The following ATXN1 variants were observed in gnomAD, a reference collection of about 807,000 sequenced individuals.
ATXN1 encodes ataxin 1.
A neutral mutation model predicts 56.4 loss-of-function variants in ATXN1; 8 were observed. That is an observed-to-expected ratio of 0.14 (90% confidence interval 0.08 to 0.26). The LOEUF (loss-of-function observed/expected upper bound fraction) is 0.26, where lower values mean the gene tolerates loss of function less well. Ranked by LOEUF, ATXN1 falls within the 10% of genes least tolerant of loss-of-function variation. The pLI is 1.00. For missense variants in ATXN1, 987 were observed against 1,106.5 expected, an observed-to-expected ratio of 0.89 and a Z score of 1.53; for synonymous variants, 514 against 494.6, an observed-to-expected ratio of 1.04 and a Z score of -0.52.
At chr6:16,546,519 AAC>A (rs1228596985) in intron 4 of ATXN1, among the ~76,000 whole-genome samples, 1 of 152,200 alleles carries the variant, frequency 6.6e-6, no homozygotes, top group African/African-American at 2.4e-5. Context: ...CCATAAAATT[AAC>A]ACAGAAAATG....
At chr6:16,519,685 C>T (rs781002194) in intron 5 of ATXN1, among the ~76,000 whole-genome samples, 24 of 152,162 alleles carry the variant, frequency 1.6e-4, no homozygotes, top group Non-Finnish European at 2.8e-4. Context: ...CTGACAGAGC[C>T]GCTGTGCCAC....
chr6:16,644,388 G>A (rs373809346), intron 3 of ATXN1, among the ~76,000 whole-genome samples: 8 of 151,968 alleles, frequency 5.3e-5, no homozygotes, highest in South Asian at 4.2e-4. Flanking sequence ...GGCGGCATGC[G>A]CCTGTAGTCC....
chr6:16,475,727 GAA>G (rs1006452182), intron 6 of ATXN1, among the ~76,000 whole-genome samples: 10 of 152,118 alleles, frequency 6.6e-5, no homozygotes, highest in Admixed American at 6.6e-4. Context: ...GGAAGATAAG[GAA>G]ATAGAGGCAC....
chr6:16,734,455 A>C (rs957001060), intron 2 of ATXN1, among the ~76,000 whole-genome samples: 7 of 152,224 alleles, frequency 4.6e-5, no homozygotes, highest in Non-Finnish European at 1.0e-4. Flanking sequence ...GAAAAAGGAG[A>C]GAAAACAAAC....
Position 16,698,150 on chromosome 6 carries a change from C to G in ATXN1, c.-614-40249G>C, listed in dbSNP as rs148736258. 1.4e-4 allele frequency among the ~76,000 whole-genome samples: 21 copies of G among 152,328 alleles called. No individual in the cohort carries two copies. The East Asian group carries it at 4.1e-3, about 29-fold the overall frequency. ...TGCCACTACTCTGTGGTTAACTTTT[C>G]ACCTGTATTGTGAATTAACTACACT... On this transcript the variant is annotated intron_variant, in intron 2 of 7. Transcript: ENST00000436367.
rs1403734399 is a variant in ATXN1 at position 16,721,425 on chromosome 6, G to A, written c.-615+31808C>T. Reference sequence around the variant, plus strand: ...AGGACTGCTTGAGGCCAGGGAGTTCGAGACCAGCCTGGGCAACATAGTGAG... The same window carrying A: ...AGGACTGCTTGAGGCCAGGGAGTTCAAGACCAGCCTGGGCAACATAGTGAG... On this transcript the variant is annotated intron_variant, in intron 2 of 7. Coordinates refer to ENST00000436367, the MANE Select transcript of ATXN1 (RefSeq NM_001128164.2). Among the ~76,000 whole-genome samples the A allele has an allele frequency of 5.3e-5, 8 of 152,086 alleles. No individual in the cohort carries two copies. The South Asian group carries it at 1.2e-3, about 24-fold the overall frequency.
intron 3 of ATXN1, among the ~76,000 whole-genome samples, chr6:16,648,328 T>C (rs1763837005): frequency 6.6e-6 from 1 of 152,144 alleles, no homozygotes; most frequent in Admixed American, 6.5e-5. Context: ...GCACCTACTA[T>C]ATTGAGAGGC....
chr6:16,596,542 T>G (rs1762818679), intron 3 of ATXN1, among the ~76,000 whole-genome samples: 1 of 152,216 alleles, frequency 6.6e-6, no homozygotes, highest in Non-Finnish European at 1.5e-5. Context: ...TAAAAATGAC[T>G]TTGGATTCCT....
At chr6:16,727,252 T>C (rs1024221557) in intron 2 of ATXN1, among the ~76,000 whole-genome samples, 12 of 152,086 alleles carry the variant, frequency 7.9e-5, no homozygotes, top group African/African-American at 9.7e-5. Flanking sequence ...ACAAAGCAAA[T>C]AGATGTATTA....
intron 6 of ATXN1, among the ~76,000 whole-genome samples, chr6:16,477,535 A>G (rs546267100): frequency 1.3e-5 from 2 of 152,272 alleles, no homozygotes; most frequent in South Asian, 2.1e-4. Flanking sequence ...GTTACACTGG[A>G]TGGCTTTCAG....
chr6:16,648,215 C>T (rs78108220), intron 3 of ATXN1, among the ~76,000 whole-genome samples: 3,639 of 152,342 alleles, frequency 0.024, 67 homozygotes, highest in South Asian at 0.071. Context: ...ACAGACACTT[C>T]CTTTCCTGCT....
intron 6 of ATXN1, among the ~76,000 whole-genome samples, chr6:16,434,943 G>T (rs971463100): frequency 6.6e-6 from 1 of 152,238 alleles, no homozygotes; most frequent in East Asian, 1.9e-4. Flanking sequence ...CTCCTAGAAA[G>T]AAGGTAGGTT....
At chr6:16,739,886 A>T (rs1272529749) in intron 2 of ATXN1, 2 of 457,110 alleles carry the variant, frequency 4.4e-6, no homozygotes, top group South Asian at 3.1e-5. Flanking sequence ...TGGGGCAAGA[A>T]GAGATGTCCA....
chr6:16,594,194 T>A (rs1762774722), intron 3 of ATXN1, among the ~76,000 whole-genome samples: 1 of 150,012 alleles, frequency 6.7e-6, no homozygotes, highest in Non-Finnish European at 1.5e-5. Context: ...CCTTTAAAAT[T>A]TTTTCAGCTT....
chr6:16,538,733 T>C (rs1447979639), intron 4 of ATXN1, among the ~76,000 whole-genome samples: 3 of 152,170 alleles, frequency 2.0e-5, no homozygotes, highest in Non-Finnish European at 4.4e-5. Context: ...TCACCCAGGA[T>C]GGAGTGCAAT....
rs190146606 is a variant in ATXN1, at chr6:16,748,130, T to C, written c.-615+5103A>G. ...ACGGATAAGCAAATTGCCACTGTCA[T>C]CATTTTCTTCAATTAATAATTATTG... On this transcript the variant is annotated intron_variant, in intron 2 of 7. Transcript: ENST00000436367. Among the ~76,000 whole-genome samples, 14 of 152,332 alleles carry C rather than the reference T, an allele frequency of 9.2e-5. No individual in the cohort carries two copies. In the East Asian group the frequency reaches 2.5e-3, roughly 27 times the overall value.
Position 16,508,865 on chromosome 6 carries a change from C to G in ATXN1, c.-299+13762G>C, listed in dbSNP as rs1280315058. On this transcript the variant is annotated intron_variant, in intron 5 of 7. Coordinates refer to ENST00000436367, the MANE Select transcript of ATXN1 (RefSeq NM_001128164.2). ...CAGTAACCAAAAGGTGGAAACAACC[C>G]AAGTGTTTATGGACAGATGAATGAA... Among the ~76,000 whole-genome samples the G allele has an allele frequency of 2.0e-5, 3 of 152,016 alleles. No individual in the cohort carries two copies. The East Asian group carries it at 5.8e-4, about 29-fold the overall frequency.
intron 4 of ATXN1, among the ~76,000 whole-genome samples, chr6:16,534,542 C>T (rs894955561): frequency 4.0e-5 from 6 of 151,770 alleles, no homozygotes; most frequent in Non-Finnish European, 7.4e-5. Flanking sequence ...TGTAAACACT[C>T]CCACCATGGC....
intron 3 of ATXN1, among the ~76,000 whole-genome samples, chr6:16,619,126 T>C (rs1266352883): frequency 2.0e-5 from 3 of 152,054 alleles, no homozygotes; most frequent in Non-Finnish European, 2.9e-5. Context: ...TTTGTTTGTT[T>C]CTTTTTTTTT....
Sources: allele counts gnomAD v4.1 joint callset (sites outside exome capture counted in the v4.1 genomes callset), GRCh38; gene constraint gnomAD v4.1.1; transcripts MANE v1.5; gene names NCBI Gene and HGNC (gene_info 2026-07-23, HGNC 2026-07-21).